MPP3: variants seen among roughly 807,000 people sequenced by gnomAD.
MPP3 encodes MAGUK p55 scaffold protein 3.
In MPP3, 48 loss-of-function variants were observed where a neutral mutation model predicts 80.7. The observed-to-expected ratio is 0.59, with a 90% CI of 0.47 to 0.76. MPP3 has a LOEUF of 0.76. MPP3 is among the 30% of genes least tolerant of loss of function. MPP3 has a pLI of 0.00. For synonymous variants in MPP3, 311 were observed against 297.6 expected, an observed-to-expected ratio of 1.04 and a Z score of -0.46; for missense variants, 620 against 763.0, an observed-to-expected ratio of 0.81 and a Z score of 2.21.
intron 8 of MPP3, among the ~76,000 whole-genome samples, chr17:43,826,841 T>C (rs1183875865): frequency 4.8e-5 from 7 of 146,982 alleles, no homozygotes; most frequent in Non-Finnish European, 8.9e-5. Context: ...TTTTTTTTTT[T>C]TTTCTTTTTT....
At chr17:43,816,003 G>T in intron 14 of MPP3, 35 bp downstream of exon 14, 1 of 1,472,636 alleles carries the variant, frequency 6.8e-7, no homozygotes, top group Non-Finnish European at 9.0e-7. Flanking sequence ...GGGTGGGGCA[G>T]GTCGTGCATG....
intron 16 of MPP3, 37 bp downstream of exon 16, chr17:43,813,974 T>G: frequency 6.7e-7 from 1 of 1,502,426 alleles, no homozygotes; most frequent in Non-Finnish European, 9.2e-7. Flanking sequence ...TTTGTGTGTG[T>G]GCAGACAAAC....
chr17:43,816,772 C>T (rs1280037150), intron 12 of MPP3, 75 bp from the exon 13 acceptor site: 33 of 1,439,754 alleles, frequency 2.3e-5, no homozygotes, highest in East Asian at 9.8e-5. Context: ...AGGGCAGCCA[C>T]GGCCCGAGTG....
chr17:43,828,642 A>G (rs2045823220), intron 7 of MPP3, among the ~76,000 whole-genome samples: 1 of 152,246 alleles, frequency 6.6e-6, no homozygotes, highest in South Asian at 2.1e-4. Context: ...TTAACCACTT[A>G]TTAGTGGCTG....
At chr17:43,816,624 G>A (rs377665356) in intron 13 of MPP3, 53 bp downstream of exon 13, 20 of 1,530,002 alleles carry the variant, frequency 1.3e-5, no homozygotes, top group Admixed American at 1.2e-4. Flanking sequence ...GGCCCCAGAC[G>A]TTCCACGGAA....
intron 16 of MPP3, among the ~76,000 whole-genome samples, chr17:43,812,196 T>C (rs1429994059): frequency 6.6e-6 from 1 of 152,196 alleles, no homozygotes; most frequent in African/African-American, 2.4e-5. Context: ...AAATCAGGTC[T>C]TCTGCAGAAC....
At chr17:43,815,845 G>A in intron 14 of MPP3, 193 bp downstream of exon 14, 3 of 668,936 alleles carry the variant, frequency 4.5e-6, no homozygotes, top group Non-Finnish European at 7.9e-6. Context: ...GTAAAAGCTG[G>A]GTGGGGGCCC....
Position 43,827,724 on chromosome 17 carries a change from G to T in MPP3, c.523+27C>A, listed in dbSNP as rs774168079. ...GGAACAATGGCCATGATCGGGGCTG[G>T]GCCAGCTTTGCACTGCCGCCACTCA... On this transcript the variant is annotated intron_variant, in intron 8 of 19. Coordinates refer to ENST00000398389, the MANE Select transcript of MPP3 (RefSeq NM_001932.6). 6.2e-6 allele frequency: 10 copies of T among 1,606,232 alleles called. No homozygotes were observed. In the South Asian group the frequency reaches 1.1e-4, roughly 18 times the overall value.
intron 14 of MPP3, 73 bp from the exon 15 acceptor site, chr17:43,814,434 C>T: frequency 6.7e-7 from 1 of 1,481,678 alleles, no homozygotes; most frequent in Non-Finnish European, 9.0e-7. Context: ...AGAGACTTTT[C>T]CCACCTGGCC....
At chr17:43,829,918 T>C in intron 6 of MPP3, 109 bp downstream of exon 6, 1 of 1,544,400 alleles carries the variant, frequency 6.5e-7, no homozygotes, top group Non-Finnish European at 8.9e-7. Flanking sequence ...ACACTAGTGC[T>C]GAGGATCGCT....
Position 43,825,747 on chromosome 17 carries a change from A to T in MPP3, c.609+9T>A, listed in dbSNP as rs1243007658. On this transcript the variant is annotated intron_variant, in intron 9 of 19. Coordinates refer to ENST00000398389, the MANE Select transcript of MPP3 (RefSeq NM_001932.6). ...CCCAGCACATCCCTAGCAGGCTTGT[A>T]GCACGGACCAGAATCTGGCTGATCT... 6.3e-7 allele frequency: 1 copy of T among 1,592,510 alleles called. No individual in the cohort carries two copies. The highest frequency in any genetic ancestry group is 1.1e-5 in the South Asian group (1 of 90,678).
At chr17:43,831,813 G>A in intron 3 of MPP3, 69 bp downstream of exon 3, 6 of 1,507,826 alleles carry the variant, frequency 4.0e-6, no homozygotes, top group Non-Finnish European at 5.4e-6. Flanking sequence ...CACTGCCAGG[G>A]CCTGGAGGCT....
chr17:43,806,354 C>G (rs779530794), intron 19 of MPP3, among the ~76,000 whole-genome samples: 1 of 151,462 alleles, frequency 6.6e-6, no homozygotes, highest in Non-Finnish European at 1.5e-5. Flanking sequence ...TTAGTAGAGA[C>G]GGGGTTTCAC....
At chr17:43,810,060 T>G (rs1250394476) in intron 18 of MPP3, among the ~76,000 whole-genome samples, 3 of 152,206 alleles carry the variant, frequency 2.0e-5, no homozygotes, top group Non-Finnish European at 4.4e-5. Context: ...TTTTGATCAC[T>G]AACTCCCTGT....
chr17:43,801,896 T>C lies in MPP3; in HGVS notation c.1582-19A>G. The C allele has an allele frequency of 6.2e-7, 1 of 1,605,842 alleles. No individual in the cohort carries two copies. The highest frequency in any genetic ancestry group is 8.5e-7 in the Non-Finnish European group (1 of 1,177,110). On this transcript the variant is annotated intron_variant, in intron 19 of 19. Coordinates refer to ENST00000398389, the MANE Select transcript of MPP3 (RefSeq NM_001932.6). ...GCTCATCCTGCAAGGAAAGGGGTGG[T>C]AAAAGGAGCAACTGGGTTGTTCTCC...
chr17:43,817,880 G>GCCC (rs1052500913), intron 12 of MPP3, 166 bp downstream of exon 12: 2 of 448,410 alleles, frequency 4.5e-6, no homozygotes, highest in Non-Finnish European at 8.0e-6. Flanking sequence ...GGGACTAGCT[G>GCCC]CCCCCCACCT....
chr17:43,823,886 ATC>A, intron 10 of MPP3, 43 bp downstream of exon 10: 1 of 1,375,106 alleles, frequency 7.3e-7, no homozygotes, highest in Non-Finnish European at 1.0e-6. Context: ...AGCGAGCTGC[ATC>A]TCTCAAGCTG....
intron 14 of MPP3, 124 bp downstream of exon 14, chr17:43,815,914 C>T (rs2045103411): frequency 1.1e-6 from 1 of 876,962 alleles, no homozygotes. Context: ...AGATGGGGGT[C>T]CCATAGGCTC....
chr17:43,810,837 G>GC lies in MPP3; in HGVS notation c.1427_1428insG (p.Asn476LysfsTer22), dbSNP rs752611027. ...GCTCCACATCCACCAAACAAACTTT[G>GC]TTTTTGGCCATAACAGCCTGAATGG... On this transcript the variant is annotated frameshift_variant, in exon 18 of 20. Transcript: ENST00000398389. LOFTEE classifies it high-confidence loss of function. 2 of 1,609,746 alleles carry GC rather than the reference G, an allele frequency of 1.2e-6. No homozygotes were observed. Among genetic ancestry groups the GC allele is most frequent in the Non-Finnish European group, 1.7e-6 (2 of 1,178,874 alleles).
Sources: gnomAD v4.1 joint callset for allele counts (sites outside exome capture counted in the v4.1 genomes callset) on GRCh38, gnomAD v4.1.1 for gene constraint, MANE v1.5 for transcripts, NCBI Gene and HGNC (gene_info 2026-07-23, HGNC 2026-07-21) for gene names.